The following SPTB variants were observed in gnomAD, a reference collection of about 807,000 sequenced individuals.
SPTB encodes spectrin beta, erythrocytic, also known as spectrin beta chain, erythrocytic.
A neutral mutation model predicts 256.2 loss-of-function variants in SPTB; 45 were observed. The observed-to-expected ratio is 0.18, with a 90% CI of 0.14 to 0.23. The LOEUF (loss-of-function observed/expected upper bound fraction) is 0.23, where lower values mean the gene tolerates loss of function less well. Among genes scored for constraint, SPTB ranks in the 10% least tolerant of loss-of-function variants. The pLI, the probability that SPTB is intolerant of heterozygous loss-of-function variation, is 1.00. For missense variants in SPTB, 2,715 were observed against 3,040.4 expected (o/e 0.89, Z 2.52); for synonymous variants, 1,231 against 1,243.1 (o/e 0.99, Z 0.21).
rs1476771055 is a variant in SPTB, at chr14:64,777,123, T to C, written c.4564-1720A>G. 2.0e-5 allele frequency among the ~76,000 whole-genome samples: 3 copies of C among 152,094 alleles called. No homozygotes were observed. Among genetic ancestry groups the C allele is most frequent in the African/African-American group, 7.2e-5 (3 of 41,400 alleles). ...TCTCTGAGGATACGAAACTTGACCA[T>C]GACATGAATGACGGGAGGGAGGCAA... On this transcript the variant is annotated intron_variant, in intron 22 of 35. Coordinates refer to ENST00000644917, the MANE Select transcript of SPTB (RefSeq NM_001355436.2). The surrounding 1 kb of genome is among the most constrained non-coding windows in gnomAD (Gnocchi z 4.5).
chr14:64,775,088 C>T lies in SPTB; in HGVS notation c.4842+37G>A. 2 of 1,613,664 alleles carry T rather than the reference C, an allele frequency of 1.2e-6. No homozygotes were observed. The highest frequency in any genetic ancestry group is 2.2e-5 in the South Asian group (2 of 91,068). ...GCCAACCTCAACTCTTCCTCTCTGC[C>T]TGGGCACCCTGGCTGGTATCCCCTG... On this transcript the variant is annotated intron_variant, in intron 23 of 35. Transcript: ENST00000644917. This position sits in a 1 kb window ranked among gnomAD's most constrained non-coding sequence, Gnocchi z 5.0.
intron 1 of SPTB, among the ~76,000 whole-genome samples, chr14:64,832,091 A>G (rs927314593): frequency 6.6e-6 from 1 of 152,166 alleles, no homozygotes; most frequent in African/African-American, 2.4e-5. Flanking sequence ...TGATGACCTC[A>G]GCCCTCCTCT....
intron 9 of SPTB, among the ~76,000 whole-genome samples, chr14:64,798,812 G>A (rs75051941): frequency 0.013 from 1,963 of 152,346 alleles, 34 homozygotes; most frequent in African/African-American, 0.041. Context: ...CCATTTGAAA[G>A]TCATGAATGC....
In SPTB at chr14:64,770,870, G is replaced by T; in HGVS notation, c.5798+15C>A. ...TGGAGAGGAGCTGCCTCTGCCTCAA[G>T]GACACTCCCCTCACCTGGGCCTCTC... On this transcript the variant is annotated intron_variant, in intron 27 of 35. Coordinates refer to ENST00000644917, the MANE Select transcript of SPTB (RefSeq NM_001355436.2). 6.2e-7 allele frequency: 1 copy of T among 1,613,966 alleles called. No homozygotes were observed. The highest frequency in any genetic ancestry group is 1.1e-5 in the South Asian group (1 of 91,054).
In SPTB at chr14:64,796,719, C is replaced by T; in HGVS notation, c.1183-4G>A. On this transcript the variant is annotated splice_polypyrimidine_tract_variant and splice_region_variant and intron_variant, in intron 10 of 35. Transcript: ENST00000644917. This position sits in a 1 kb window ranked among gnomAD's most constrained non-coding sequence, Gnocchi z 4.1. ...CTTCCTCCAGGCTTTCCCAGGCCTG[C>T]ACAAAGGATGGAATGAGAATTCTTG... 1 of 1,614,178 alleles carries T rather than the reference C, an allele frequency of 6.2e-7. No individual in the cohort carries two copies. Among genetic ancestry groups the T allele is most frequent in the Non-Finnish European group, 8.5e-7 (1 of 1,180,042 alleles).
Position 64,758,471 on chromosome 14 carries a change from G to A in SPTB, c.6346-4678C>T, listed in dbSNP as rs2082047792. On this transcript the variant is annotated intron_variant, in intron 32 of 35. Coordinates refer to ENST00000644917, the MANE Select transcript of SPTB (RefSeq NM_001355436.2). The surrounding 1 kb of genome is among the most constrained non-coding windows in gnomAD (Gnocchi z 4.6). The stretch of plus-strand genomic sequence containing the variant: ...GCCCTGCCTCAAGGCTTGGAGTGGG[G>A]CACTGAGGTGGAGGGGCCCCAGAAG... Among the ~76,000 whole-genome samples, 1 of 152,260 alleles carries A rather than the reference G, an allele frequency of 6.6e-6. No individual in the cohort carries two copies. Among genetic ancestry groups the A allele is most frequent in the South Asian group, 2.1e-4 (1 of 4,836 alleles).
At chr14:64,862,949 G>C (rs1881944289) in intron 1 of SPTB, among the ~76,000 whole-genome samples, 1 of 152,022 alleles carries the variant, frequency 6.6e-6, no homozygotes, top group Admixed American at 6.6e-5. Context: ...TTATGTGGTA[G>C]GGCCTGAAAA....
At chr14:64,876,373 C>T (rs1024500344) in intron 1 of SPTB, among the ~76,000 whole-genome samples, 5 of 152,086 alleles carry the variant, frequency 3.3e-5, no homozygotes, top group African/African-American at 1.2e-4. Flanking sequence ...ACCAGCCTGA[C>T]CAGCATGGTG....
chr14:64,797,276 C>G (rs542198134), intron 10 of SPTB, among the ~76,000 whole-genome samples: 1 of 151,898 alleles, frequency 6.6e-6, no homozygotes, highest in East Asian at 1.9e-4. Flanking sequence ...ACAAAACCAG[C>G]CTAGGCAACA....
rs230703 is a variant in SPTB, at chr14:64,800,751, T to C, written c.876+5A>G. The C allele has an allele frequency of 0.31, 507,648 of 1,612,972 alleles. 84,087 individuals carry two copies. The highest frequency in any genetic ancestry group is 0.53 in the African/African-American group (40,087 of 74,946). On this transcript the variant is annotated splice_donor_5th_base_variant and intron_variant, in intron 8 of 35. Transcript: ENST00000644917. ...GTGACACTTTGGTTCCAAAACAGCT[T>C]GTACCTTGCCGACACGCTTGCCCTC... is the stretch of plus-strand genomic sequence containing the variant.
intron 32 of SPTB, among the ~76,000 whole-genome samples, chr14:64,766,168 GTGTA>G (rs1217836176): frequency 1.0e-3 from 149 of 146,002 alleles, no homozygotes; most frequent in African/African-American, 3.8e-3. Context: ...TTGTGTGTAT[GTGTA>G]TGTGTGTGTG....
chr14:64,832,129 T>C (rs1200689876), intron 1 of SPTB, among the ~76,000 whole-genome samples: 4 of 152,130 alleles, frequency 2.6e-5, no homozygotes, highest in Non-Finnish European at 4.4e-5. Context: ...TACAGTGTAC[T>C]TATCTATATT....
chr14:64,866,324 G>A lies in SPTB; in HGVS notation c.-52+13468C>T, dbSNP rs142421708. On this transcript the variant is annotated intron_variant, in intron 1 of 35. Transcript: ENST00000644917. This position sits in a 1 kb window ranked among gnomAD's most constrained non-coding sequence, Gnocchi z 4.6. The stretch of plus-strand genomic sequence containing the variant: ...GCTTATCGCTGGCCTCAGGACACCC[G>A]TAAGAGCTCAATGGGGTCTTCAGTT... Among the ~76,000 whole-genome samples the A allele has an allele frequency of 6.6e-6, 1 of 152,266 alleles. No homozygotes were observed. Among genetic ancestry groups the A allele is most frequent in the East Asian group, 1.9e-4 (1 of 5,184 alleles).
rs1001565084 is a variant in SPTB at position 64,825,799 on chromosome 14, C to T, written c.-51-2654G>A. On this transcript the variant is annotated intron_variant, in intron 1 of 35. Coordinates refer to ENST00000644917, the MANE Select transcript of SPTB (RefSeq NM_001355436.2). This position sits in a 1 kb window ranked among gnomAD's most constrained non-coding sequence, Gnocchi z 4.8. ...TGAGCAGGCCGACCAGCAGGCCCAG[C>T]GTTCAAGACAAGATTGATGGCCCCG... 1.3e-5 allele frequency among the ~76,000 whole-genome samples: 2 copies of T among 152,188 alleles called. No individual in the cohort carries two copies. The highest frequency in any genetic ancestry group is 2.4e-5 in the African/African-American group (1 of 41,436).
intron 1 of SPTB, among the ~76,000 whole-genome samples, chr14:64,863,335 C>T (rs576753135): frequency 2.6e-5 from 4 of 152,222 alleles, no homozygotes; most frequent in African/African-American, 9.6e-5. Flanking sequence ...ATTCTCATAA[C>T]GTTTTTTAAA....
rs1277485055 is a variant in SPTB at position 64,802,527 on chromosome 14, C to G, written c.475-210G>C. Among the ~76,000 whole-genome samples, 1 of 152,126 alleles carries G rather than the reference C, an allele frequency of 6.6e-6. No individual in the cohort carries two copies. Among genetic ancestry groups the G allele is most frequent in the Non-Finnish European group, 1.5e-5 (1 of 68,016 alleles). Reference sequence around the variant, plus strand: ...TTTCCTTCTCTCTCCTAGATGCTCCCTGAGCCCAGGGAAATCTGTCTTGGT... The same window carrying G: ...TTTCCTTCTCTCTCCTAGATGCTCCGTGAGCCCAGGGAAATCTGTCTTGGT... On this transcript the variant is annotated intron_variant, in intron 4 of 35. Coordinates refer to ENST00000644917, the MANE Select transcript of SPTB (RefSeq NM_001355436.2). This position sits in a 1 kb window ranked among gnomAD's most constrained non-coding sequence, Gnocchi z 5.1.
At position 64,771,696 on chromosome 14, in the gene SPTB, C is replaced by T. The variant is rs559288777; in HGVS notation, c.5554-567G>A. On this transcript the variant is annotated intron_variant, in intron 26 of 35. Transcript: ENST00000644917. ...TGGCCCTGGGGACAGTGAAACCTCACTCCTAAGACCTCAGTGGGGCTACAC... is the reference window on the plus strand; with the variant it reads ...TGGCCCTGGGGACAGTGAAACCTCATTCCTAAGACCTCAGTGGGGCTACAC... Among the ~76,000 whole-genome samples the T allele has an allele frequency of 4.9e-4, 75 of 152,318 alleles. 1 individual carries two copies. The highest frequency in any genetic ancestry group is 1.6e-3 in the African/African-American group (68 of 41,558).
At chr14:64,771,243 G>A in intron 26 of SPTB, 114 bp from the exon 27 acceptor site, 1 of 1,533,170 alleles carries the variant, frequency 6.5e-7, no homozygotes, top group Non-Finnish European at 8.9e-7. Context: ...GGGCACTGCT[G>A]GAAGGTAGGA....
intron 1 of SPTB, among the ~76,000 whole-genome samples, chr14:64,842,120 T>C (rs889829393): frequency 6.6e-6 from 1 of 152,248 alleles, no homozygotes; most frequent in Admixed American, 6.5e-5. Context: ...AGCTGCCAAG[T>C]GCCTGCCATT....
Sources: gnomAD v4.1 joint callset for allele counts (sites outside exome capture counted in the v4.1 genomes callset) on GRCh38, gnomAD v4.1.1 for gene constraint, Gnocchi (gnomAD v3.1) non-coding constraint, MANE v1.5 for transcripts, NCBI Gene and HGNC (gene_info 2026-07-23, HGNC 2026-07-21) for gene names.